PTCHD4: variants seen among roughly 807,000 people sequenced by gnomAD.
PTCHD4 encodes the protein patched domain containing 4, also known as patched domain-containing protein 4.
In PTCHD4, 33 loss-of-function variants were observed where a neutral mutation model predicts 58.1. The observed-to-expected ratio is 0.57, with a 90% confidence interval of 0.43 to 0.76. The LOEUF (loss-of-function observed/expected upper bound fraction) is 0.76. Ranked by LOEUF, PTCHD4 falls within the 30% of genes least tolerant of loss-of-function variation. The pLI is 0.00. For missense variants in PTCHD4, 1,058 were observed against 1,027.1 expected (o/e 1.03, Z -0.41); for synonymous variants, 478 against 409.6 (o/e 1.17, Z -2.02).
At chr6:47,985,556 T>C (rs1377843112) in intron 4 of PTCHD4, among the ~76,000 whole-genome samples, 2 of 152,072 alleles carry the variant, frequency 1.3e-5, no homozygotes, top group East Asian at 3.8e-4. Context: ...TTTCCTGTTT[T>C]AGAAAAAAAC....
chr6:48,011,521 T>C (rs909146692), intron 3 of PTCHD4, among the ~76,000 whole-genome samples: 1 of 152,188 alleles, frequency 6.6e-6, no homozygotes, highest in African/African-American at 2.4e-5. Flanking sequence ...ATTCTGTGGG[T>C]TGCCTGTTCA....
chr6:47,998,600 T>C (rs956465830), intron 4 of PTCHD4, among the ~76,000 whole-genome samples: 1 of 152,172 alleles, frequency 6.6e-6, no homozygotes, highest in Non-Finnish European at 1.5e-5. Flanking sequence ...CCAAAGAAGA[T>C]GTAGAACCTT....
intron 4 of PTCHD4, among the ~76,000 whole-genome samples, chr6:47,963,160 A>C (rs963603005): frequency 7.2e-5 from 11 of 151,862 alleles, no homozygotes; most frequent in Admixed American, 3.9e-4. Flanking sequence ...AATAAATAAA[A>C]AAGAAAAAAA....
chr6:48,104,218 A>T (rs1490094231), intron 1 of PTCHD4, among the ~76,000 whole-genome samples: 4 of 151,990 alleles, frequency 2.6e-5, no homozygotes, highest in African/African-American at 7.2e-5. Context: ...CGGGTTACCC[A>T]CAAAGGGAAG....
intron 3 of PTCHD4, among the ~76,000 whole-genome samples, chr6:48,053,631 T>C (rs980595775): frequency 1.3e-5 from 2 of 152,200 alleles, no homozygotes; most frequent in Non-Finnish European, 2.9e-5. Context: ...ATTTCCTTTT[T>C]AAAATGAATG....
At chr6:47,940,655 T>C (rs1766180477) in intron 4 of PTCHD4, among the ~76,000 whole-genome samples, 1 of 152,236 alleles carries the variant, frequency 6.6e-6, no homozygotes, top group Non-Finnish European at 1.5e-5. Context: ...CCTTCACCAC[T>C]TACTGTGCTT....
In PTCHD4 at chr6:48,060,683, C is replaced by T. The variant is rs548142511; in HGVS notation, c.417+7547G>A. Among the ~76,000 whole-genome samples, 47 of 152,250 alleles carry T rather than the reference C, an allele frequency of 3.1e-4. 2 individuals carry two copies. The South Asian group carries it at 8.7e-3, about 28-fold the overall frequency. The stretch of plus-strand genomic sequence containing the variant: ...AGAGATGGGGTTTCACCATGCTGCC[C>T]AGGCTGGTCTTGAACTCCTGGGCTC... On this transcript the variant is annotated intron_variant, in intron 3 of 4. Transcript: ENST00000339488.
intron 4 of PTCHD4, among the ~76,000 whole-genome samples, chr6:47,968,194 A>T (rs1296506139): frequency 6.6e-6 from 1 of 152,068 alleles, no homozygotes; most frequent in Non-Finnish European, 1.5e-5. Context: ...GTATGTCAGG[A>T]ATATGGAGAA....
rs142961548 is a variant in PTCHD4, at chr6:47,864,315, T to TATACACAC, written c.*13987_*13988insGTGTGTAT. Among the ~76,000 whole-genome samples, 84,126 of 148,580 alleles carry TATACACAC rather than the reference T, an allele frequency of 0.57. 25,237 individuals carry two copies. The highest frequency in any genetic ancestry group is 0.76 in the East Asian group (3,718 of 4,872). On this transcript the variant is annotated 3_prime_UTR_variant, in exon 5 of 5. Coordinates refer to ENST00000339488, the MANE Select transcript of PTCHD4 (RefSeq NM_001384253.1). ...GCCCATTATTTTTGAGATATATATA[T>TATACACAC]ACACACACACACACATATATATATA...
At chr6:47,896,320 C>A (rs1406892028) in intron 4 of PTCHD4, among the ~76,000 whole-genome samples, 2 of 152,180 alleles carry the variant, frequency 1.3e-5, no homozygotes, top group African/African-American at 2.4e-5. Context: ...AGGAAAGAAA[C>A]CCGTTTCTCT....
intron 4 of PTCHD4, among the ~76,000 whole-genome samples, chr6:47,950,140 T>C (rs931159058): frequency 9.2e-5 from 14 of 151,564 alleles, no homozygotes; most frequent in African/African-American, 3.4e-4. Flanking sequence ...GTTTGGTTTT[T>C]TGTCCTTGTG....
intron 4 of PTCHD4, chr6:47,900,817 G>A (rs1260425849): frequency 1.3e-5 from 2 of 152,164 alleles, no homozygotes; most frequent in East Asian, 1.9e-4. Flanking sequence ...GGTATATTAT[G>A]TTAATGATTT....
intron 4 of PTCHD4, among the ~76,000 whole-genome samples, chr6:48,004,950 T>G (rs922693745): frequency 6.6e-6 from 1 of 152,156 alleles, no homozygotes; most frequent in Non-Finnish European, 1.5e-5. Context: ...ATTTTGGAAT[T>G]CTTTCTGAAT....
chr6:47,909,538 C>T (rs1302166027), intron 4 of PTCHD4, among the ~76,000 whole-genome samples: 1 of 152,046 alleles, frequency 6.6e-6, no homozygotes, highest in Admixed American at 6.6e-5. Context: ...ACCTTGACCT[C>T]CTGGGCTCAA....
At chr6:48,105,826 A>G (rs1182478251) in intron 1 of PTCHD4, among the ~76,000 whole-genome samples, 1 of 152,226 alleles carries the variant, frequency 6.6e-6, no homozygotes, top group Non-Finnish European at 1.5e-5. Flanking sequence ...AAACACCTCT[A>G]TGCAAATAAA....
intron 3 of PTCHD4, among the ~76,000 whole-genome samples, chr6:48,029,907 T>C (rs1181349372): frequency 6.6e-6 from 1 of 152,088 alleles, no homozygotes; most frequent in Admixed American, 6.6e-5. Context: ...GGTAGTTGAC[T>C]TACAGGGTTC....
chr6:48,050,128 G>C (rs748541347), intron 3 of PTCHD4, among the ~76,000 whole-genome samples: 9 of 151,958 alleles, frequency 5.9e-5, no homozygotes, highest in Admixed American at 1.3e-4. Context: ...TCATAATAAA[G>C]AGAAATAGTT....
chr6:47,983,118 A>G (rs560167293), intron 4 of PTCHD4, among the ~76,000 whole-genome samples: 1 of 152,308 alleles, frequency 6.6e-6, no homozygotes, highest in Non-Finnish European at 1.5e-5. Context: ...AAGTTAGGGT[A>G]AAATTAAAAA....
chr6:47,873,683 T>A lies in PTCHD4; in HGVS notation c.*4620A>T, dbSNP rs562731373. ...CCTATATATCTGCAGCTCACTGATT[T>A]AAAATATTAGCATAAAGGTCCGCAC... On this transcript the variant is annotated 3_prime_UTR_variant, in exon 5 of 5. Coordinates refer to ENST00000339488, the MANE Select transcript of PTCHD4 (RefSeq NM_001384253.1). Among the ~76,000 whole-genome samples, 1 of 151,800 alleles carries A rather than the reference T, an allele frequency of 6.6e-6. No homozygotes were observed. The highest frequency in any genetic ancestry group is 2.4e-5 in the African/African-American group (1 of 41,494).
Sources: gnomAD v4.1 joint callset for allele counts (sites outside exome capture counted in the v4.1 genomes callset) on GRCh38, gnomAD v4.1.1 for gene constraint, MANE v1.5 for transcripts, NCBI Gene and HGNC (gene_info 2026-07-23, HGNC 2026-07-21) for gene names.